Variants in PCDH19 observed in about 807,000 individuals in gnomAD.
PCDH19 encodes the protein protocadherin-19.
PCDH19 carries 6 observed loss-of-function variants against 46.2 expected under a neutral mutation model. The ratio of observed to expected loss-of-function variants is 0.13; its 90% CI spans 0.07 to 0.26. The LOEUF is 0.26. Ranked by LOEUF, PCDH19 falls within the 10% of genes least tolerant of loss-of-function variation. The pLI is 1.00. For synonymous variants in PCDH19, 481 were observed against 415.7 expected, an observed-to-expected ratio of 1.16 and a Z score of -1.91; for missense variants, 740 against 972.3, an observed-to-expected ratio of 0.76 and a Z score of 3.18.
chrX:100,357,624 TAGCTA>T (rs887071539), intron 3 of PCDH19, among the ~76,000 whole-genome samples: 1 of 112,207 alleles, frequency 8.9e-6, no homozygotes. Flanking sequence ...ATGAAGTCCT[TAGCTA>T]AGCAGTCATC....
In PCDH19 at chrX:100,408,761, G is replaced by A. The variant is rs971546354; in HGVS notation, c.-164C>T. On this transcript the variant is annotated 5_prime_UTR_variant, in exon 1 of 6. Coordinates refer to ENST00000373034, the MANE Select transcript of PCDH19 (RefSeq NM_001184880.2). ...CAGGGCGGCCCGGCGGCGCGCGGGG[G>A]ACACCCGCGGCGGCTCCAATGCTGA... The A allele has an allele frequency of 1.3e-4, 33 of 245,414 alleles. No individual in the cohort carries two copies. The highest frequency in any genetic ancestry group is 1.8e-4 in the Non-Finnish European group (26 of 147,038). The allele number at this position is 245,414 out of a possible 1,213,427, so 20.2% of individuals were successfully genotyped here. A position where few individuals can be genotyped will look rare whatever the true frequency, so the allele number is the denominator to read the frequency against.
intron 3 of PCDH19, among the ~76,000 whole-genome samples, chrX:100,357,935 T>C (rs1028958858): frequency 3.6e-5 from 4 of 111,975 alleles, no homozygotes; most frequent in African/African-American, 1.3e-4. Flanking sequence ...TGAGGCTACT[T>C]ATCACAATTA....
rs755157245 is a variant in PCDH19, at chrX:100,296,833, A to T, written c.2891T>A (p.Leu964His). The T allele has an allele frequency of 8.3e-7, 1 of 1,211,022 alleles. No homozygotes were observed. Among genetic ancestry groups the T allele is most frequent in the South Asian group, 1.8e-5 (1 of 56,912 alleles). Residue 964 changes from leucine (L) to histidine (H), a missense_variant, in exon 6 of 6, where the codon CTT (leucine) becomes CAT (histidine). Physicochemically the swap from Leu to His is moderately conservative, Grantham distance 99. This residue lies in a region of PCDH19 where 416 missense variants were observed against 476.8 expected (regional missense o/e 0.87). Transcript: ENST00000373034. ...CATCCAGCACCTGTCAGAGTGGCCA[A>T]GAATCCGGCATTCTTCCCGGCAATG... Reference protein sequence around the residue: ...GFHCREECRILGHSDRCWMPR... With the variant: ...GFHCREECRIHGHSDRCWMPR...
chrX:100,296,238 A>G lies in PCDH19; in HGVS notation c.*39T>C, dbSNP rs750074273. 1.9e-6 allele frequency: 2 copies of G among 1,064,353 alleles called. No individual in the cohort carries two copies. The highest frequency in any genetic ancestry group is 3.7e-5 in the South Asian group (2 of 53,934). The allele number at this position is 1,064,353 out of a possible 1,213,427, so 87.7% of individuals were successfully genotyped here. On this transcript the variant is annotated 3_prime_UTR_variant, in exon 6 of 6. Coordinates refer to ENST00000373034, the MANE Select transcript of PCDH19 (RefSeq NM_001184880.2). ...AACAAGAAGCTCCTGCTTCTTCACT[A>G]GCCAGTGTGGTTTCTTTCTCTTCTT...
At chrX:100,374,156 G>A (rs1927306049) in intron 3 of PCDH19, among the ~76,000 whole-genome samples, 1 of 112,504 alleles carries the variant, frequency 8.9e-6, no homozygotes, top group South Asian at 3.7e-4. Flanking sequence ...GGGAAAAGGG[G>A]AACAAATAAC....
At chrX:100,344,138 A>C (rs2147487046) in intron 4 of PCDH19, among the ~76,000 whole-genome samples, 1 of 112,254 alleles carries the variant, frequency 8.9e-6, no homozygotes, top group East Asian at 2.8e-4. Context: ...CCTGTTAGCT[A>C]ATTATTTTCA....
rs1928543140 is a variant in PCDH19, at chrX:100,409,817, CCGCCGA to C, written c.-1226_-1221del. The C allele has an allele frequency of 4.0e-6, 1 of 250,672 alleles. No homozygotes were observed. The highest frequency in any genetic ancestry group is 2.9e-5 in the African/African-American group (1 of 34,138). 20.7% of individuals were successfully genotyped at this position (250,672 alleles called of 1,213,427 possible). ...GCTGCCACAGTCGACGATTTTGTCG[CCGCCGA>C]AGTTTACTTGCAGGAGCGTCTTGAT... On this transcript the variant is annotated 5_prime_UTR_variant, in exon 1 of 6. Coordinates refer to ENST00000373034, the MANE Select transcript of PCDH19 (RefSeq NM_001184880.2).
At chrX:100,307,607 T>A (rs1924988191) in intron 5 of PCDH19, among the ~76,000 whole-genome samples, 1 of 111,585 alleles carries the variant, frequency 9.0e-6, no homozygotes, top group Admixed American at 9.5e-5. Context: ...AGTCAAACTG[T>A]CACTGTTTGC....
In PCDH19 at chrX:100,363,693, TATATA is replaced by T. The variant is rs1488787934; in HGVS notation, c.2617-12994_2617-12990del. ...ATAAATATATATAAAACATATTTTA[TATATA>T]ATATATTTATTTTATATATAATATA... is the stretch of plus-strand genomic sequence containing the variant. On this transcript the variant is annotated intron_variant, in intron 3 of 5. Transcript: ENST00000373034. Among the ~76,000 whole-genome samples, 12 of 56,412 alleles carry T rather than the reference TATATA, an allele frequency of 2.1e-4. 1 individual carries two copies. Among genetic ancestry groups the T allele is most frequent in the African/African-American group, 4.1e-4 (7 of 17,098 alleles). The allele number at this position is 56,412 out of a possible 115,157, so 49.0% of individuals were successfully genotyped here. A position where few individuals can be genotyped will look rare whatever the true frequency, so the allele number is the denominator to read the frequency against.
At chrX:100,383,584 G>A (rs756448882) in intron 3 of PCDH19, among the ~76,000 whole-genome samples, 123 of 112,118 alleles carry the variant, frequency 1.1e-3, no homozygotes, top group Non-Finnish European at 1.9e-3. Flanking sequence ...GATGACATTA[G>A]AATGAAACAT....
intron 5 of PCDH19, among the ~76,000 whole-genome samples, chrX:100,309,985 C>A (rs1208151808): frequency 1.8e-5 from 2 of 112,250 alleles, no homozygotes; most frequent in Non-Finnish European, 3.8e-5. Context: ...TGCCAAATGG[C>A]ACATAGGCCT....
rs1924510350 is a variant in PCDH19, at chrX:100,293,947, T to C, written c.*2330A>G. 9.0e-6 allele frequency: 1 copy of C among 111,600 alleles called. No homozygotes were observed. The highest frequency in any genetic ancestry group is 9.5e-5 in the Admixed American group (1 of 10,531). 9.2% of individuals were successfully genotyped at this position (111,600 alleles called of 1,213,427 possible). A position where few individuals can be genotyped will look rare whatever the true frequency, so the allele number is the denominator to read the frequency against. On this transcript the variant is annotated 3_prime_UTR_variant, in exon 6 of 6. Transcript: ENST00000373034. ...CAATTAATGTTCCCACTTTCCACAA[T>C]CTTTTCTGCTCCCTGGTTCCCACTG...
intron 5 of PCDH19, among the ~76,000 whole-genome samples, chrX:100,340,272 A>G (rs982297763): frequency 2.7e-5 from 3 of 112,381 alleles, no homozygotes; most frequent in Non-Finnish European, 5.6e-5. Flanking sequence ...AGAAAAAACT[A>G]GCTGCAGTTC....
chrX:100,317,568 A>G (rs1243278145), intron 5 of PCDH19, among the ~76,000 whole-genome samples: 1 of 96,222 alleles, frequency 1.0e-5, no homozygotes, highest in African/African-American at 3.8e-5. Flanking sequence ...CATCCACCTC[A>G]GAAAACAATT....
At chrX:100,313,857 TCACACACACACACACACA>T (rs3222341) in intron 5 of PCDH19, among the ~76,000 whole-genome samples, 6 of 76,294 alleles carry the variant, frequency 7.9e-5, no homozygotes, top group Non-Finnish European at 1.5e-4. Context: ...CTGCTGTTAA[TCACACACACACACACACA>T]CACACACACA....
At chrX:100,396,533 A>G (rs761858364) in intron 3 of PCDH19, among the ~76,000 whole-genome samples, 1 of 112,314 alleles carries the variant, frequency 8.9e-6, no homozygotes, top group Admixed American at 9.4e-5. Context: ...CAGGATGATT[A>G]GCAAGAGCTC....
Position 100,402,730 on chromosome X carries a change from A to C in PCDH19, c.2410T>G (p.Cys804Gly). 2 of 1,210,770 alleles carry C rather than the reference A, an allele frequency of 1.7e-6. No homozygotes were observed. Among genetic ancestry groups the C allele is most frequent in the Non-Finnish European group, 2.2e-6 (2 of 894,456 alleles). ...EETDKMNVVS[C>G]SSLTSSLNYF... ...TTGAGGGAGGAGGTCAGGGAAGAGCAACTGACAACGTTCATCTTGTCTGTC... is the reference window on the plus strand; with the variant it reads ...TTGAGGGAGGAGGTCAGGGAAGAGCCACTGACAACGTTCATCTTGTCTGTC... Residue 804 changes from cysteine (C) to glycine (G), a missense_variant, in exon 3 of 6, where the codon TGC becomes GGC. Physicochemically the swap from Cys to Gly is radical, Grantham distance 159 (BLOSUM62 -3). This residue lies in a region of PCDH19 where 416 missense variants were observed against 476.8 expected (regional missense o/e 0.87). Transcript: ENST00000373034.
At chrX:100,373,118 C>A (rs767273963) in intron 3 of PCDH19, among the ~76,000 whole-genome samples, 1 of 112,611 alleles carries the variant, frequency 8.9e-6, no homozygotes, top group Non-Finnish European at 1.9e-5. Flanking sequence ...AAGCAATTCT[C>A]CTGCCTCAGC....
At chrX:100,333,845 A>G (rs1925997468) in intron 5 of PCDH19, among the ~76,000 whole-genome samples, 1 of 100,749 alleles carries the variant, frequency 9.9e-6, no homozygotes, top group Non-Finnish European at 2.0e-5. Context: ...GCTGGAGTGC[A>G]GTAGTACAAT....
Sources: allele counts gnomAD v4.1 joint callset (sites outside exome capture counted in the v4.1 genomes callset), GRCh38; gene constraint gnomAD v4.1.1; regional missense constraint gnomAD v4.1.1; transcripts MANE v1.5; gene names NCBI Gene and HGNC (gene_info 2026-07-23, HGNC 2026-07-21).